Variants in ZC3H18 observed in about 807,000 individuals in gnomAD.
The protein encoded by ZC3H18 is zinc finger CCCH domain-containing protein 18.
ZC3H18 carries 8 observed loss-of-function variants against 106.1 expected under a neutral mutation model. The ratio of observed to expected loss-of-function variants is 0.08; its 90% confidence interval spans 0.04 to 0.14. ZC3H18 has a LOEUF of 0.14. Ranked by LOEUF, ZC3H18 falls within the 10% of genes least tolerant of loss-of-function variation. The pLI is 1.00. For missense variants in ZC3H18, 1,318 were observed against 1,278.4 expected, an observed-to-expected ratio of 1.03 and a Z score of -0.47; for synonymous variants, 635 against 522.1, an observed-to-expected ratio of 1.22 and a Z score of -2.95.
At chr16:88,578,705 T>C (rs1417627741) in intron 2 of ZC3H18, among the ~76,000 whole-genome samples, 1 of 152,108 alleles carries the variant, frequency 6.6e-6, no homozygotes, top group Non-Finnish European at 1.5e-5. Flanking sequence ...TGCTCCTTTT[T>C]TTTGAGAGAG....
At chr16:88,583,347 G>A (rs4782341) in intron 2 of ZC3H18, among the ~76,000 whole-genome samples, 133,929 of 152,306 alleles carry the variant, frequency 0.88, 59,079 homozygotes, top group East Asian at 0.95. Flanking sequence ...CCTTTGAAAT[G>A]GAGGACTCAG....
intron 10 of ZC3H18, 173 bp downstream of exon 10, chr16:88,623,517 C>T: frequency 1.2e-6 from 1 of 839,870 alleles, no homozygotes; most frequent in Non-Finnish European, 1.8e-6. Flanking sequence ...AAACACCAGC[C>T]TTGCGGGCCC....
rs776873915 is a variant in ZC3H18, at chr16:88,611,318, GGAGCGGGAGCGGGACCGA to G, written c.1269_1286del (p.Asp424_Arg429del). ...AGAACAGACAGCGCGAGCGCGAGCG[GGAGCGGGAGCGGGACCGA>G]GAGCGGGAGCGCCGGCAGAGGGAGC... On this transcript the variant is annotated inframe_deletion, in exon 8 of 18. Coordinates refer to ENST00000301011, the MANE Select transcript of ZC3H18 (RefSeq NM_144604.4). The G allele has an allele frequency of 5.4e-6, 4 of 743,544 alleles. No individual in the cohort carries two copies. Among genetic ancestry groups the G allele is most frequent in the African/African-American group, 1.7e-5 (1 of 57,598 alleles). The allele number at this position is 743,544 out of a possible 1,614,324, so 46.1% of individuals were successfully genotyped here.
At chr16:88,619,231 A>ACCAC (rs1454223118) in intron 8 of ZC3H18, among the ~76,000 whole-genome samples, 9 of 152,192 alleles carry the variant, frequency 5.9e-5, no homozygotes, top group African/African-American at 2.2e-4. Flanking sequence ...CCAAGATCGC[A>ACCAC]CCACCGTACT....
chr16:88,583,833 T>C (rs2142569365), intron 2 of ZC3H18, among the ~76,000 whole-genome samples: 1 of 152,240 alleles, frequency 6.6e-6, no homozygotes, highest in Non-Finnish European at 1.5e-5. Flanking sequence ...AATTTGTAGC[T>C]AGCTGGTCCA....
At chr16:88,601,024 C>T (rs1020054546) in intron 6 of ZC3H18, among the ~76,000 whole-genome samples, 1 of 152,210 alleles carries the variant, frequency 6.6e-6, no homozygotes, top group Non-Finnish European at 1.5e-5. Flanking sequence ...GCTTGCACTC[C>T]AGGATTTGGT....
intron 8 of ZC3H18, 121 bp downstream of exon 8, chr16:88,611,657 T>G (rs1418370048): frequency 1.0e-5 from 14 of 1,400,058 alleles, no homozygotes; most frequent in Non-Finnish European, 1.3e-5. Flanking sequence ...AGGGGACCAG[T>G]GCAGGCCCAC....
intron 1 of ZC3H18, among the ~76,000 whole-genome samples, chr16:88,572,219 A>G (rs994221209): frequency 6.6e-6 from 1 of 152,230 alleles, no homozygotes; most frequent in African/African-American, 2.4e-5. Context: ...AAGGTCCCCA[A>G]ACGCTCTGCA....
At chr16:88,574,293 A>G (rs1460291626) in intron 1 of ZC3H18, among the ~76,000 whole-genome samples, 2 of 150,768 alleles carry the variant, frequency 1.3e-5, no homozygotes, top group Non-Finnish European at 3.0e-5. Flanking sequence ...CACTGCAACC[A>G]CTGTCTCCCA....
intron 3 of ZC3H18, among the ~76,000 whole-genome samples, chr16:88,597,485 A>C (rs959472712): frequency 2.6e-5 from 4 of 152,216 alleles, no homozygotes; most frequent in Admixed American, 1.3e-4. Flanking sequence ...ATCTATTCCC[A>C]AAAAAGTACA....
intron 8 of ZC3H18, among the ~76,000 whole-genome samples, chr16:88,618,623 C>A (rs376587783): frequency 1.3e-5 from 2 of 152,248 alleles, no homozygotes; most frequent in Non-Finnish European, 2.9e-5. Context: ...GCCTCGGGCC[C>A]TTGGTTTTGT....
intron 1 of ZC3H18, among the ~76,000 whole-genome samples, chr16:88,572,480 C>G (rs1001000950): frequency 2.0e-5 from 3 of 151,934 alleles, no homozygotes; most frequent in Admixed American, 6.6e-5. Context: ...CAACAAATAT[C>G]TATCAAGTAT....
intron 8 of ZC3H18, among the ~76,000 whole-genome samples, chr16:88,618,677 C>T (rs1905771994): frequency 6.6e-6 from 1 of 152,134 alleles, no homozygotes; most frequent in South Asian, 2.1e-4. Context: ...TGACCTTTGC[C>T]CCTTAGAGAG....
chr16:88,594,923 G>A (rs948796947), intron 3 of ZC3H18, among the ~76,000 whole-genome samples: 6 of 152,072 alleles, frequency 3.9e-5, no homozygotes, highest in African/African-American at 9.7e-5. Context: ...AGGCCGAGGC[G>A]GGCGGATCAC....
chr16:88,586,815 G>T, intron 3 of ZC3H18, 131 bp downstream of exon 3: 2 of 615,178 alleles, frequency 3.3e-6, no homozygotes, highest in Non-Finnish European at 3.0e-6. Context: ...CTAGGTGGTG[G>T]TGGTGGTGGT....
At chr16:88,588,432 C>T (rs1219912687) in intron 3 of ZC3H18, among the ~76,000 whole-genome samples, 1 of 152,202 alleles carries the variant, frequency 6.6e-6, no homozygotes, top group Admixed American at 6.5e-5. Flanking sequence ...GCCCAGGGCT[C>T]ACTGCTGAGC....
rs1159614641 is a variant in ZC3H18 at position 88,622,323 on chromosome 16, C to G, written c.1602C>G (p.Ser534=). The change falls in exon 9 of 18, where the codon TCC becomes TCG. Residue 534 remains serine (S), a synonymous_variant. Transcript: ENST00000301011. ...AGAAGAAACTCGGGGTGTCGGTCTC[C>G]CCGAGCCGGGCTCGAAGGCGTCGGA... ...SPKKKLGVSV[S]PSRARRRRKT... is the part of the protein sequence containing the mutation. 1 of 1,613,788 alleles carries G rather than the reference C, an allele frequency of 6.2e-7. No homozygotes were observed. Among genetic ancestry groups the G allele is most frequent in the Non-Finnish European group, 8.5e-7 (1 of 1,179,910 alleles).
At chr16:88,606,516 G>A (rs993775842) in intron 6 of ZC3H18, among the ~76,000 whole-genome samples, 5 of 152,200 alleles carry the variant, frequency 3.3e-5, no homozygotes, top group African/African-American at 1.2e-4. Flanking sequence ...GAGAACACAC[G>A]CCTCACACAT....
intron 8 of ZC3H18, among the ~76,000 whole-genome samples, chr16:88,614,229 C>T (rs1216609687): frequency 6.6e-6 from 1 of 152,266 alleles, no homozygotes; most frequent in African/African-American, 2.4e-5. Context: ...GCTGGAGCCA[C>T]ACAGTGGCCA....
Sources: gnomAD v4.1 joint callset for allele counts (sites outside exome capture counted in the v4.1 genomes callset) on GRCh38, gnomAD v4.1.1 for gene constraint, MANE v1.5 for transcripts, NCBI Gene and HGNC (gene_info 2026-07-23, HGNC 2026-07-21) for gene names.